The following KCNMA1 variants were observed in gnomAD, a reference collection of about 807,000 sequenced individuals.
KCNMA1 encodes the protein Calcium-activated potassium channel subunit alpha-1.
In KCNMA1, 29 loss-of-function variants were observed where a neutral mutation model predicts 140.0. The observed-to-expected ratio is 0.21, with a 90% CI of 0.15 to 0.28. The LOEUF (loss-of-function observed/expected upper bound fraction) is 0.28, where lower values mean the gene tolerates loss of function less well. KCNMA1 is among the 10% of genes least tolerant of loss of function. The pLI is 1.00. For missense variants in KCNMA1, 880 were observed against 1,602.2 expected, an observed-to-expected ratio of 0.55 and a Z score of 7.70; for synonymous variants, 612 against 611.9, an observed-to-expected ratio of 1.00 and a Z score of 0.00.
chr10:77,369,906 G>A (rs2094576046), intron 2 of KCNMA1, among the ~76,000 whole-genome samples: 1 of 152,184 alleles, frequency 6.6e-6, no homozygotes, highest in African/African-American at 2.4e-5. Flanking sequence ...TACCTGCTGA[G>A]TCAAGGAAAC....
chr10:77,104,176 T>C (rs1013683478), intron 9 of KCNMA1, among the ~76,000 whole-genome samples: 1 of 152,222 alleles, frequency 6.6e-6, no homozygotes, highest in Admixed American at 6.5e-5. Flanking sequence ...TTCTGAAATA[T>C]GCAAATATTT....
At chr10:77,027,721 CA>C in intron 16 of KCNMA1, 101 bp downstream of exon 16, 1 of 935,670 alleles carries the variant, frequency 1.1e-6, no homozygotes, top group Non-Finnish European at 1.8e-6. Flanking sequence ...TGGTTCCATG[CA>C]GATAAATAAT....
rs534525328 is a variant in KCNMA1 at position 77,075,045 on chromosome 10, C to T, written c.1594-1793G>A. Among the ~76,000 whole-genome samples, 6 of 152,258 alleles carry T rather than the reference C, an allele frequency of 3.9e-5. No homozygotes were observed. In the South Asian group the frequency reaches 8.3e-4, roughly 21 times the overall value. ...TTATGAAATTCCTTCTTGCAAAATCCGCTTCTGTGACAATCTTGTGCATCC... is the reference window on the plus strand; with the variant it reads ...TTATGAAATTCCTTCTTGCAAAATCTGCTTCTGTGACAATCTTGTGCATCC... On this transcript the variant is annotated intron_variant, in intron 13 of 27. Transcript: ENST00000286628.
intron 1 of KCNMA1, among the ~76,000 whole-genome samples, chr10:77,544,929 T>A (rs1012600588): frequency 2.6e-5 from 4 of 152,198 alleles, no homozygotes; most frequent in African/African-American, 9.7e-5. Flanking sequence ...AGCATTGTCT[T>A]CCAACATAGG....
chr10:77,244,541 C>T (rs1372334167), intron 3 of KCNMA1, among the ~76,000 whole-genome samples: 2 of 152,182 alleles, frequency 1.3e-5, no homozygotes, highest in Admixed American at 1.3e-4. Flanking sequence ...TGCTAATGCT[C>T]TGAACTTTGA....
chr10:77,540,980 G>A (rs1167741363), intron 1 of KCNMA1, among the ~76,000 whole-genome samples: 1 of 147,952 alleles, frequency 6.8e-6, no homozygotes, highest in Non-Finnish European at 1.5e-5. Flanking sequence ...ACTCCAGCTT[G>A]GGCAATAGAG....
At chr10:76,903,450 G>A (rs1222710818) in intron 25 of KCNMA1, 2 of 151,966 alleles carry the variant, frequency 1.3e-5, no homozygotes, top group African/African-American at 4.8e-5. Context: ...CTTTCGTGAG[G>A]GATGAAAATG....
intron 20 of KCNMA1, among the ~76,000 whole-genome samples, chr10:76,958,814 G>A (rs978725430): frequency 6.6e-6 from 1 of 152,162 alleles, no homozygotes; most frequent in Non-Finnish European, 1.5e-5. Flanking sequence ...AGAACTGTGA[G>A]AAGCTCTGTT....
chr10:77,555,855 T>C (rs186921700), intron 1 of KCNMA1, among the ~76,000 whole-genome samples: 1 of 107,106 alleles, frequency 9.3e-6, no homozygotes, highest in East Asian at 2.3e-4. Context: ...CCAGAAATCT[T>C]GTTTCTGGTT....
rs2051933654 is a variant in KCNMA1 at position 76,914,642 on chromosome 10, T to C, written c.3016+294A>G. On this transcript the variant is annotated intron_variant, in intron 24 of 27. Transcript: ENST00000286628. ...ATCCGTGAACTAAGCCTTTCCTCCTTTCCTCTCCATTCCCAATTGAATGCC... is the reference window on the plus strand; with the variant it reads ...ATCCGTGAACTAAGCCTTTCCTCCTCTCCTCTCCATTCCCAATTGAATGCC... The C allele has an allele frequency of 5.3e-6, 2 of 377,310 alleles. 1 individual carries two copies. Among genetic ancestry groups the C allele is most frequent in the South Asian group, 5.2e-5 (2 of 38,226 alleles). The allele number at this position is 377,310 out of a possible 1,614,324, so 23.4% of individuals were successfully genotyped here. A position where few individuals can be genotyped will look rare whatever the true frequency, so the allele number is the denominator to read the frequency against.
chr10:77,266,225 A>C (rs764824803), intron 2 of KCNMA1, among the ~76,000 whole-genome samples: 12 of 152,178 alleles, frequency 7.9e-5, no homozygotes, highest in Non-Finnish European at 1.6e-4. Context: ...ATAGGAGTTC[A>C]TCAATATACT....
chr10:76,886,961 C>T lies in KCNMA1; in HGVS notation c.*305G>A, dbSNP rs769957856. The stretch of plus-strand genomic sequence containing the variant: ...CTAACTGACGTTGATCACAAGTGCT[C>T]CCTTCTAATCTGTGAACTCGTTCCT... On this transcript the variant is annotated 3_prime_UTR_variant, in exon 28 of 28. Coordinates refer to ENST00000286628, the MANE Select transcript of KCNMA1 (RefSeq NM_001161352.2). 2.8e-5 allele frequency: 34 copies of T among 1,224,190 alleles called. No individual in the cohort carries two copies. The highest frequency in any genetic ancestry group is 3.4e-5 in the Non-Finnish European group (33 of 967,826). The allele number at this position is 1,224,190 out of a possible 1,614,324, so 75.8% of individuals were successfully genotyped here.
At chr10:77,348,258 C>T (rs931624934) in intron 2 of KCNMA1, among the ~76,000 whole-genome samples, 15 of 152,158 alleles carry the variant, frequency 9.9e-5, no homozygotes, top group African/African-American at 4.8e-5. Flanking sequence ...ACATACGATT[C>T]GAGATGTACC....
chr10:77,274,934 C>G (rs1377704817), intron 2 of KCNMA1, among the ~76,000 whole-genome samples: 2 of 152,212 alleles, frequency 1.3e-5, no homozygotes, highest in African/African-American at 2.4e-5. Flanking sequence ...GATGGGGCAG[C>G]CTTGGCTGGC....
At chr10:77,010,136 T>C (rs1173214462) in intron 18 of KCNMA1, among the ~76,000 whole-genome samples, 1 of 152,212 alleles carries the variant, frequency 6.6e-6, no homozygotes, top group African/African-American at 2.4e-5. Flanking sequence ...CAGGGGTTAT[T>C]GGCCTCACCT....
chr10:77,404,933 A>G (rs1377618223), intron 1 of KCNMA1, among the ~76,000 whole-genome samples: 1 of 152,248 alleles, frequency 6.6e-6, no homozygotes, highest in Non-Finnish European at 1.5e-5. Context: ...CTGCAGAGAA[A>G]AGTAAAAGTA....
Position 76,877,881 on chromosome 10 carries a change from C to T in KCNMA1, c.3437G>A (p.Trp1146Ter), listed in dbSNP as rs773516522. 6.2e-7 allele frequency: 1 copy of T among 1,609,892 alleles called. No individual in the cohort carries two copies. Among genetic ancestry groups the T allele is most frequent in the Non-Finnish European group, 8.5e-7 (1 of 1,178,152 alleles). The change falls in exon 30 of 30, where the codon TGG (tryptophan) becomes TAG (stop). Residue 1146 changes from tryptophan (W) to a stop codon, truncating the protein, a stop_gained. Transcript: ENST00000372403. LOFTEE classifies it high-confidence loss of function. ...GGCATTATCCGGTTCATCTGTAAAC[C>T]ATTTCTTTTCTGCTAAAGGGCAAAA... is the stretch of plus-strand genomic sequence containing the variant.
At chr10:77,069,820 T>C (rs2096122304) in intron 14 of KCNMA1, among the ~76,000 whole-genome samples, 1 of 152,142 alleles carries the variant, frequency 6.6e-6, no homozygotes, top group Admixed American at 6.5e-5. Context: ...TTTCTTTTTC[T>C]TTCTTTTTTG....
rs149002977 is a variant in KCNMA1, at chr10:77,558,562, A to T, written c.378+78703T>A. 3.2e-3 allele frequency among the ~76,000 whole-genome samples: 481 copies of T among 152,300 alleles called. 8 individuals are homozygous for T. Among genetic ancestry groups the T allele is most frequent in the South Asian group, 0.025 (122 of 4,830 alleles). ...TGGTTCCAAGAAGATAGGTTCCCTC[A>T]TTAAAACTGGTATCAACCAACCCTC... On this transcript the variant is annotated intron_variant, in intron 1 of 27. Coordinates refer to ENST00000286628, the MANE Select transcript of KCNMA1 (RefSeq NM_001161352.2).
Sources: allele counts gnomAD v4.1 joint callset (sites outside exome capture counted in the v4.1 genomes callset), GRCh38; gene constraint gnomAD v4.1.1; transcripts MANE v1.5; gene names NCBI Gene and HGNC (gene_info 2026-07-23, HGNC 2026-07-21).